The following ZNF282 variants were observed in gnomAD, a reference collection of about 807,000 sequenced individuals.
ZNF282 encodes HTLV-I U5 repressive element-binding protein 1.
Under a neutral mutation model 61.9 loss-of-function variants are expected in ZNF282, and 30 were observed. That is an observed-to-expected ratio of 0.48 (90% confidence interval 0.36 to 0.66). ZNF282 has a LOEUF of 0.66. Among genes scored for constraint, ZNF282 ranks in the 30% least tolerant of loss-of-function variants. The pLI, the probability that ZNF282 is intolerant of heterozygous loss-of-function variation, is 0.00. For synonymous variants in ZNF282, 396 were observed against 405.0 expected (o/e 0.98, Z 0.27); for missense variants, 788 against 941.4 (o/e 0.84, Z 2.13).
chr7:149,214,889 A>T (rs960970436), intron 7 of ZNF282, among the ~76,000 whole-genome samples: 2 of 152,172 alleles, frequency 1.3e-5, no homozygotes, highest in Non-Finnish European at 2.9e-5. Flanking sequence ...TCCCTGAGCT[A>T]CCATCCCGGA....
chr7:149,220,313 G>A (rs1796223700), intron 7 of ZNF282, among the ~76,000 whole-genome samples: 2 of 152,076 alleles, frequency 1.3e-5, no homozygotes, highest in African/African-American at 4.8e-5. Flanking sequence ...TCGGGAGGCT[G>A]AGGCAGGAGA....
At chr7:149,219,251 C>A (rs1202396) in intron 7 of ZNF282, among the ~76,000 whole-genome samples, 19,336 of 152,132 alleles carry the variant, frequency 0.13, 1,333 homozygotes, top group Middle Eastern at 0.19. Flanking sequence ...CCCTGTCACT[C>A]GGGAAATCCA....
At chr7:149,221,935 T>C (rs559920296) in intron 7 of ZNF282, among the ~76,000 whole-genome samples, 1 of 151,782 alleles carries the variant, frequency 6.6e-6, no homozygotes, top group African/African-American at 2.4e-5. Context: ...TGAGAAGAGG[T>C]GGGAGGCCGT....
chr7:149,213,865 A>C, intron 7 of ZNF282, 51 bp downstream of exon 7: 1 of 1,385,400 alleles, frequency 7.2e-7, no homozygotes, highest in Non-Finnish European at 1.0e-6. Context: ...GGAGCTGTAC[A>C]GCTGAGGCGT....
rs1424470031 is a variant in ZNF282, at chr7:149,207,414, G to C, written c.776G>C (p.Cys259Ser). 6.4e-6 allele frequency: 10 copies of C among 1,574,468 alleles called. No homozygotes were observed. The highest frequency in any genetic ancestry group is 8.6e-6 in the Non-Finnish European group (10 of 1,158,426). ...CAGGCTGAGCCCAGGGAAGAACCTT[G>C]TGTGTGGGAGCAGCGCCACCCCGAA... ...PVQAEPREEP[C>S]VWEQRHPEER... The change falls in exon 4 of 8, where the codon TGT becomes TCT. Residue 259 changes from cysteine to serine, a missense_variant. This residue lies in a region of ZNF282 where 559 missense variants were observed against 642.0 expected (regional missense o/e 0.87). Transcript: ENST00000610704.
In ZNF282 at chr7:149,198,113, C is replaced by T. The variant is rs951860824; in HGVS notation, c.166-220C>T. ...AGGGTCAATGTGGGTGAACCAGTGACCAGCCTGACTCACCTAGGCAGGAGA... is the reference window on the plus strand; with the variant it reads ...AGGGTCAATGTGGGTGAACCAGTGATCAGCCTGACTCACCTAGGCAGGAGA... On this transcript the variant is annotated intron_variant, in intron 1 of 7. Transcript: ENST00000610704. This position sits in a 1 kb window ranked among gnomAD's most constrained non-coding sequence, Gnocchi z 4.3. Among the ~76,000 whole-genome samples the T allele has an allele frequency of 3.3e-5, 5 of 152,172 alleles. No homozygotes were observed. The highest frequency in any genetic ancestry group is 7.3e-5 in the Non-Finnish European group (5 of 68,028).
At chr7:149,209,028 A>AAAAAAAAC in intron 4 of ZNF282, among the ~76,000 whole-genome samples, 2 of 129,626 alleles carry the variant, frequency 1.5e-5, no homozygotes, top group East Asian at 4.8e-4. Context: ...CTCAAAAAAA[A>AAAAAAAAC]AAAAAGAGGG....
chr7:149,196,547 C>T (rs1795820400), intron 1 of ZNF282, among the ~76,000 whole-genome samples: 1 of 152,168 alleles, frequency 6.6e-6, no homozygotes, highest in Admixed American at 6.6e-5. Flanking sequence ...ACTCTCTGGG[C>T]CCACCCTGGG....
chr7:149,216,808 G>A (rs1796165922), intron 7 of ZNF282, among the ~76,000 whole-genome samples: 2 of 152,188 alleles, frequency 1.3e-5, no homozygotes, highest in Admixed American at 6.5e-5. Flanking sequence ...ACTGGTATCC[G>A]TTTGACTCAA....
chr7:149,203,525 AT>A (rs1314345287), intron 2 of ZNF282, among the ~76,000 whole-genome samples: 1 of 151,980 alleles, frequency 6.6e-6, no homozygotes, highest in Non-Finnish European at 1.5e-5. Context: ...TTTTTTATTT[AT>A]TTTTATTCTT....
chr7:149,221,144 C>G (rs182157634), intron 7 of ZNF282, among the ~76,000 whole-genome samples: 18 of 152,236 alleles, frequency 1.2e-4, no homozygotes, highest in Non-Finnish European at 2.4e-4. Flanking sequence ...GTCTCAAACT[C>G]CTGGGCTCAA....
Position 149,224,219 on chromosome 7 carries a change from C to T in ZNF282, c.1588C>T (p.Arg530Cys). Reference sequence around the variant, plus strand: ...CGAGTGCGGCAAGAGCTTCGGCGTGCGCAAGAGCCTCATCATCCACCACCG... The same window carrying T: ...CGAGTGCGGCAAGAGCTTCGGCGTGTGCAAGAGCCTCATCATCCACCACCG... Reference protein sequence around the residue: ...CPECGKSFGVRKSLIIHHRSH... With the variant: ...CPECGKSFGVCKSLIIHHRSH... Residue 530 changes from arginine to cysteine, a missense_variant, in exon 8 of 8, where the codon CGC (arginine) becomes TGC (cysteine). Transcript: ENST00000610704. 2.6e-5 allele frequency: 41 copies of T among 1,607,648 alleles called. No individual in the cohort carries two copies. Among genetic ancestry groups the T allele is most frequent in the Non-Finnish European group, 3.4e-5 (40 of 1,179,146 alleles).
At chr7:149,213,566 G>A in intron 6 of ZNF282, 135 bp from the exon 7 acceptor site, 2 of 656,818 alleles carry the variant, frequency 3.0e-6, no homozygotes, top group South Asian at 3.3e-5. Flanking sequence ...AAGGAGGATG[G>A]CCTGGAAATG....
At chr7:149,203,117 GT>G (rs1381936571) in intron 2 of ZNF282, among the ~76,000 whole-genome samples, 1 of 152,190 alleles carries the variant, frequency 6.6e-6, no homozygotes, top group Non-Finnish European at 1.5e-5. Context: ...TTTTAGTATG[GT>G]TTTGCATATG....
intron 2 of ZNF282, among the ~76,000 whole-genome samples, chr7:149,205,254 A>G (rs1795974272): frequency 6.6e-6 from 1 of 151,448 alleles, no homozygotes; most frequent in Admixed American, 6.6e-5. Context: ...CCTGGCCAAT[A>G]TGGCGAAACC....
At position 149,210,592 on chromosome 7, in the gene ZNF282, G is replaced by C; in HGVS notation, c.840G>C (p.Glu280Asp). The C allele has an allele frequency of 6.2e-7, 1 of 1,611,310 alleles. No individual in the cohort carries two copies. The highest frequency in any genetic ancestry group is 8.5e-7 in the Non-Finnish European group (1 of 1,178,918). The change falls in exon 5 of 8, where the codon GAG becomes GAC. Residue 280 changes from glutamate (E) to aspartate (D), a missense_variant. Physicochemically the swap from Glu to Asp is conservative, Grantham distance 45 (BLOSUM62 2). Around this residue, in one of 3 missense-constraint regions of ZNF282, gnomAD observed 559 missense variants for 642.0 expected, o/e 0.87. Transcript: ENST00000610704. ...GTCATTCTCTGTCCCCAGGAGCAGA[G>C]CCCCTGGTGCCTGCGCAGGATGCGT... Reference protein sequence around the residue: ...EIPMDPEAGAEPLVPAQDASS... With the variant: ...EIPMDPEAGADPLVPAQDASS...
At chr7:149,217,570 A>T (rs1413352256) in intron 7 of ZNF282, among the ~76,000 whole-genome samples, 1 of 152,090 alleles carries the variant, frequency 6.6e-6, no homozygotes, top group African/African-American at 2.4e-5. Context: ...TCTCAAAAAA[A>T]AAAATTGGGA....
Position 149,224,041 on chromosome 7 carries a change from C to A in ZNF282, c.1410C>A (p.Arg470=), listed in dbSNP as rs1328263168. The change falls in exon 8 of 8, where the codon CGC becomes CGA. Residue 470 remains arginine (R), a synonymous_variant. Coordinates refer to ENST00000610704, the MANE Select transcript of ZNF282 (RefSeq NM_003575.4). ...GCGAGGCGCCGCCGGGTGGGGACCG[C>A]AGCACCGGGGGCGGCGGGGGCGATG... ...GSGEAPPGGD[R]STGGGGGDGG... 1 of 1,188,016 alleles carries A rather than the reference C, an allele frequency of 8.4e-7. No homozygotes were observed. Among genetic ancestry groups the A allele is most frequent in the Non-Finnish European group, 1.0e-6 (1 of 960,406 alleles). 73.6% of individuals were successfully genotyped at this position (1,188,016 alleles called of 1,614,324 possible).
intron 1 of ZNF282, among the ~76,000 whole-genome samples, chr7:149,197,554 C>G (rs147720032): frequency 0.015 from 2,355 of 152,270 alleles, 25 homozygotes; most frequent in Admixed American, 0.026. Context: ...CTCACTGCAA[C>G]CTCCGCTTCC....
Sources: gnomAD v4.1 joint callset for allele counts (sites outside exome capture counted in the v4.1 genomes callset) on GRCh38, gnomAD v4.1.1 for gene constraint, gnomAD v4.1.1 regional missense constraint, Gnocchi (gnomAD v3.1) non-coding constraint, MANE v1.5 for transcripts, NCBI Gene and HGNC (gene_info 2026-07-23, HGNC 2026-07-21) for gene names.